PCDH9: variants seen among roughly 807,000 people sequenced by gnomAD.
The protein encoded by PCDH9 is protocadherin 9.
Under a neutral mutation model 70.6 loss-of-function variants are expected in PCDH9, and 24 were observed. That is an observed-to-expected ratio of 0.34 (90% CI 0.25 to 0.48). The LOEUF (loss-of-function observed/expected upper bound fraction) is 0.48, where lower values mean the gene tolerates loss of function less well. PCDH9 is among the 20% of genes least tolerant of loss of function. The probability of loss-of-function intolerance (pLI) is 0.99; values close to 1 mark genes in which losing one functional copy is unlikely to be tolerated. For synonymous variants in PCDH9, 562 were observed against 558.5 expected (o/e 1.01, Z -0.09); for missense variants, 1,281 against 1,503.6 (o/e 0.85, Z 2.45).
chr13:66,710,796 T>C (rs969214582), intron 3 of PCDH9, among the ~76,000 whole-genome samples: 7 of 151,924 alleles, frequency 4.6e-5, no homozygotes, highest in African/African-American at 1.2e-4. Flanking sequence ...CCTGTATTCA[T>C]TGGCTCATGA....
chr13:66,748,007 G>C (rs2079398893), intron 3 of PCDH9, among the ~76,000 whole-genome samples: 1 of 152,146 alleles, frequency 6.6e-6, no homozygotes, highest in South Asian at 2.1e-4. Context: ...ATTTAAGGAA[G>C]TAAGGAAATC....
At chr13:66,634,638 C>T (rs535749929) in intron 3 of PCDH9, among the ~76,000 whole-genome samples, 2 of 152,158 alleles carry the variant, frequency 1.3e-5, no homozygotes, top group South Asian at 4.2e-4. Context: ...ATACATGACA[C>T]ATAGTAGATA....
At chr13:66,747,118 G>A (rs148569944) in intron 3 of PCDH9, among the ~76,000 whole-genome samples, 2,318 of 152,328 alleles carry the variant, frequency 0.015, 68 homozygotes, top group African/African-American at 0.052. Flanking sequence ...TTGGGAGGCA[G>A]AGGCGGGTGG....
intron 3 of PCDH9, among the ~76,000 whole-genome samples, chr13:66,797,524 A>T (rs2080262467): frequency 6.6e-6 from 1 of 152,178 alleles, no homozygotes; most frequent in African/African-American, 2.4e-5. Context: ...GTAAACCATC[A>T]GTGTAAATTT....
rs1250240896 is a variant in PCDH9 at position 66,766,671 on chromosome 13, C to G, written c.3139-135260G>C. ...GGGGAAAGGGAAGGAGGAGAGGGAT[C>G]AGAGTACTAAAAATAGCTTCAGTCA... On this transcript the variant is annotated intron_variant, in intron 3 of 4. Transcript: ENST00000377865. 1.3e-5 allele frequency among the ~76,000 whole-genome samples: 2 copies of G among 151,688 alleles called. 1 individual carries two copies. Among genetic ancestry groups the G allele is most frequent in the African/African-American group, 4.9e-5 (2 of 41,228 alleles).
chr13:67,103,999 T>C (rs986144099), intron 2 of PCDH9, among the ~76,000 whole-genome samples: 2 of 152,198 alleles, frequency 1.3e-5, no homozygotes, highest in African/African-American at 4.8e-5. Context: ...GTAGCTCTCA[T>C]ATTACATATA....
At chr13:66,627,919 A>C (rs974643593) in intron 4 of PCDH9, among the ~76,000 whole-genome samples, 20 of 152,210 alleles carry the variant, frequency 1.3e-4, no homozygotes, top group Admixed American at 6.5e-5. Context: ...CCTAGGTCGA[A>C]GTCACTGGGT....
intron 4 of PCDH9, among the ~76,000 whole-genome samples, chr13:66,348,328 A>T (rs1344989841): frequency 6.6e-6 from 1 of 152,142 alleles, no homozygotes; most frequent in African/African-American, 2.4e-5. Context: ...CTTCTACCAT[A>T]GAAATGTTCA....
At chr13:66,472,000 C>G (rs1958627713) in intron 4 of PCDH9, among the ~76,000 whole-genome samples, 1 of 151,824 alleles carries the variant, frequency 6.6e-6, no homozygotes, top group African/African-American at 2.4e-5. Flanking sequence ...CGCTTAAGGT[C>G]AGGAGTTCGA....
chr13:66,809,839 A>G (rs771863459), intron 3 of PCDH9, among the ~76,000 whole-genome samples: 1 of 152,198 alleles, frequency 6.6e-6, no homozygotes. Flanking sequence ...CACATTTAAC[A>G]AAGTGATCAA....
chr13:66,927,412 G>A (rs1478104065), intron 2 of PCDH9, among the ~76,000 whole-genome samples: 4 of 151,818 alleles, frequency 2.6e-5, no homozygotes, highest in Non-Finnish European at 4.4e-5. Flanking sequence ...GGAGGAGGAG[G>A]GAGAGGTTCA....
In PCDH9 at chr13:67,020,328, C is replaced by G. The variant is rs377134628; in HGVS notation, c.3037-116723G>C. ...TCTGTCCCCTCCTACCAACCATTAA[C>G]AAGCTGCCATTAAATAAAATCTGCA... On this transcript the variant is annotated intron_variant, in intron 2 of 4. Transcript: ENST00000377865. Among the ~76,000 whole-genome samples, 11 of 152,268 alleles carry G rather than the reference C, an allele frequency of 7.2e-5. No individual in the cohort carries two copies. The East Asian group carries it at 1.9e-3, about 27-fold the overall frequency.
At chr13:67,034,012 T>A (rs2084959220) in intron 2 of PCDH9, among the ~76,000 whole-genome samples, 1 of 152,096 alleles carries the variant, frequency 6.6e-6, no homozygotes, top group African/African-American at 2.4e-5. Context: ...TGAGACAGAG[T>A]CTTGCTCTGT....
chr13:66,785,703 T>G (rs1445259338), intron 3 of PCDH9, among the ~76,000 whole-genome samples: 2 of 152,100 alleles, frequency 1.3e-5, no homozygotes, highest in African/African-American at 2.4e-5. Context: ...AACAGAAAGT[T>G]GTTGACAAAA....
intron 4 of PCDH9, among the ~76,000 whole-genome samples, chr13:66,406,886 T>A: frequency 6.6e-6 from 1 of 152,228 alleles, no homozygotes. Flanking sequence ...TCATCAATTT[T>A]TTTGTTTCAA....
intron 4 of PCDH9, among the ~76,000 whole-genome samples, chr13:66,347,240 T>C (rs17501478): frequency 0.049 from 7,404 of 152,298 alleles, 221 homozygotes; most frequent in Non-Finnish European, 0.07. Context: ...TGAACATATG[T>C]AATACGCAAA....
At chr13:67,180,279 G>C (rs1244353104) in intron 2 of PCDH9, among the ~76,000 whole-genome samples, 1 of 152,076 alleles carries the variant, frequency 6.6e-6, no homozygotes, top group African/African-American at 2.4e-5. Context: ...CTTGAAGCCT[G>C]CAAGTTTTAA....
chr13:66,830,559 G>T (rs191204305), intron 3 of PCDH9, among the ~76,000 whole-genome samples: 42 of 152,222 alleles, frequency 2.8e-4, no homozygotes, highest in African/African-American at 9.4e-4. Context: ...TATGAGAAAA[G>T]ATCAAGAAAT....
At chr13:67,119,073 C>G (rs2086831117) in intron 2 of PCDH9, among the ~76,000 whole-genome samples, 1 of 152,072 alleles carries the variant, frequency 6.6e-6, no homozygotes, top group African/African-American at 2.4e-5. Context: ...AAATAAGAAT[C>G]AGAAAGTCCT....
Sources: allele counts gnomAD v4.1 joint callset (sites outside exome capture counted in the v4.1 genomes callset), GRCh38; gene constraint gnomAD v4.1.1; transcripts MANE v1.5; gene names NCBI Gene and HGNC (gene_info 2026-07-23, HGNC 2026-07-21).